Variants in PDS5A observed in about 807,000 individuals in gnomAD.
PDS5A encodes PDS5 cohesin associated factor A.
PDS5A carries 42 observed loss-of-function variants against 167.1 expected under a neutral mutation model. That is an observed-to-expected ratio of 0.25 (90% CI 0.20 to 0.33). The LOEUF (loss-of-function observed/expected upper bound fraction) is 0.33, where lower values mean the gene tolerates loss of function less well. PDS5A is among the 10% of genes least tolerant of loss of function. The pLI, the probability that PDS5A is intolerant of heterozygous loss-of-function variation, is 1.00. For missense variants in PDS5A, 1,033 were observed against 1,605.9 expected, an observed-to-expected ratio of 0.64 and a Z score of 6.10; for synonymous variants, 553 against 554.6, an observed-to-expected ratio of 1.00 and a Z score of 0.04.
intron 13 of PDS5A, 33 bp from the exon 14 acceptor site, chr4:39,900,540 C>T (rs375137273): frequency 8.4e-6 from 11 of 1,306,462 alleles, no homozygotes; most frequent in East Asian, 2.5e-5. Context: ...ACACACATTA[C>T]ATAACAATAC....
At position 39,917,034 on chromosome 4, in the gene PDS5A, C is replaced by T. The variant is rs1281826336; in HGVS notation, c.876+14G>A. Reference sequence around the variant, plus strand: ...AAAAATTAAAAAAAAAAAAAGAAAACTGGTCAATCTTACCTTTAGTTTGAA... The same window carrying T: ...AAAAATTAAAAAAAAAAAAAGAAAATTGGTCAATCTTACCTTTAGTTTGAA... On this transcript the variant is annotated intron_variant, in intron 8 of 32. Coordinates refer to ENST00000303538, the MANE Select transcript of PDS5A (RefSeq NM_001100399.2). The T allele has an allele frequency of 7.4e-7, 1 of 1,352,148 alleles. No homozygotes were observed. Among genetic ancestry groups the T allele is most frequent in the Non-Finnish European group, 9.7e-7 (1 of 1,029,330 alleles). The allele number at this position is 1,352,148 out of a possible 1,614,324, so 83.8% of individuals were successfully genotyped here. A position where few individuals can be genotyped will look rare whatever the true frequency, so the allele number is the denominator to read the frequency against.
chr4:39,838,003 A>T lies in PDS5A; in HGVS notation c.3863T>A (p.Leu1288Gln). The T allele has an allele frequency of 6.2e-7, 1 of 1,613,962 alleles. No homozygotes were observed. Among genetic ancestry groups the T allele is most frequent in the Non-Finnish European group, 8.5e-7 (1 of 1,179,890 alleles). Residue 1288 changes from leucine to glutamine, a missense_variant, in exon 32 of 33, where the codon CTA (leucine) becomes CAA (glutamine). Coordinates refer to ENST00000303538, the MANE Select transcript of PDS5A (RefSeq NM_001100399.2). The stretch of plus-strand genomic sequence containing the variant: ...CCTTCCCTTGTTAATAGGTTTATTT[A>T]GATCATCATTTTTGGTAGCATTGCC... ...SQGNATKNDD[L>Q]NKPINKGRKR...
intron 2 of PDS5A, among the ~76,000 whole-genome samples, chr4:39,934,780 AT>A (rs1363691971): frequency 4.0e-5 from 6 of 151,702 alleles, no homozygotes; most frequent in African/African-American, 9.7e-5. Context: ...CTCTATAAAT[AT>A]TTTTTTGAGA....
At chr4:39,953,212 A>T (rs1277934230) in intron 2 of PDS5A, among the ~76,000 whole-genome samples, 1 of 152,184 alleles carries the variant, frequency 6.6e-6, no homozygotes, top group Non-Finnish European at 1.5e-5. Flanking sequence ...GCTCCACTAC[A>T]GTGAAGCTGA....
In PDS5A at chr4:39,858,632, C is replaced by CT. The variant is rs1052673321; in HGVS notation, c.3086+3586dup. On this transcript the variant is annotated intron_variant, in intron 26 of 32. Coordinates refer to ENST00000303538, the MANE Select transcript of PDS5A (RefSeq NM_001100399.2). Reference sequence around the variant, plus strand: ...ATGGAAGAAAATGCAGTAAAATTTTCTTTTTTTTAAGATGCAGTTTCACTC... The same window carrying CT: ...ATGGAAGAAAATGCAGTAAAATTTTCTTTTTTTTTAAGATGCAGTTTCACTC... Among the ~76,000 whole-genome samples the CT allele has an allele frequency of 2.6e-5, 4 of 152,104 alleles. No homozygotes were observed. The East Asian group carries it at 7.7e-4, about 29-fold the overall frequency.
intron 2 of PDS5A, among the ~76,000 whole-genome samples, chr4:39,975,710 CA>C (rs1462103927): frequency 1.3e-5 from 2 of 152,152 alleles, no homozygotes; most frequent in Non-Finnish European, 2.9e-5. Context: ...TCCTGGAGGT[CA>C]AAGTTGCCCT....
At chr4:39,836,615 A>ATTTTTTTTTTTTT (rs71645192) in intron 32 of PDS5A, among the ~76,000 whole-genome samples, 22 of 106,116 alleles carry the variant, frequency 2.1e-4, no homozygotes, top group Non-Finnish European at 3.4e-4. Context: ...ATTTTTTTCT[A>ATTTTTTTTTTTTT]TTTTTTTTTT....
chr4:39,900,331 C>A, intron 14 of PDS5A, 95 bp downstream of exon 14: 1 of 716,410 alleles, frequency 1.4e-6, no homozygotes. Context: ...AATAAAACAA[C>A]TGAGATACTT....
At chr4:39,961,337 C>T (rs1053440867) in intron 2 of PDS5A, among the ~76,000 whole-genome samples, 4 of 151,882 alleles carry the variant, frequency 2.6e-5, no homozygotes, top group African/African-American at 7.3e-5. Flanking sequence ...CTTGCTATGT[C>T]GCCCAGGCTG....
intron 2 of PDS5A, among the ~76,000 whole-genome samples, chr4:39,947,105 TG>T (rs1377161163): frequency 2.6e-5 from 4 of 152,212 alleles, no homozygotes; most frequent in South Asian, 2.1e-4. Flanking sequence ...AATTAAAATA[TG>T]TTTTTTAAAA....
At chr4:39,851,120 C>T (rs1718085542) in intron 26 of PDS5A, among the ~76,000 whole-genome samples, 1 of 152,048 alleles carries the variant, frequency 6.6e-6, no homozygotes, top group Non-Finnish European at 1.5e-5. Flanking sequence ...CTGCTAGAAT[C>T]CTGATCAAAG....
rs1168823220 is a variant in PDS5A at position 39,845,900 on chromosome 4, AAAAG to A, written c.3340-24_3340-21del. On this transcript the variant is annotated intron_variant, in intron 28 of 32. Coordinates refer to ENST00000303538, the MANE Select transcript of PDS5A (RefSeq NM_001100399.2). ...GAAGTCCTATTAAAAAAAAAAAAGA[AAAAG>A]AAAAAAGAAACACCAATCAAAGGAA... The A allele has an allele frequency of 6.8e-6, 9 of 1,328,110 alleles. No individual in the cohort carries two copies. The highest frequency in any genetic ancestry group is 1.8e-5 in the South Asian group (1 of 54,764). 82.3% of individuals were successfully genotyped at this position (1,328,110 alleles called of 1,614,324 possible). A position where few individuals can be genotyped will look rare whatever the true frequency, so the allele number is the denominator to read the frequency against.
chr4:39,971,068 C>G (rs895881934), intron 2 of PDS5A, among the ~76,000 whole-genome samples: 11 of 151,902 alleles, frequency 7.2e-5, no homozygotes, highest in African/African-American at 2.7e-4. Flanking sequence ...GCCACCACAC[C>G]CAGCCTTGTT....
At chr4:39,914,304 G>C (rs56131685) in intron 8 of PDS5A, among the ~76,000 whole-genome samples, 1 of 151,410 alleles carries the variant, frequency 6.6e-6, no homozygotes, top group Non-Finnish European at 1.5e-5. Flanking sequence ...TGGGATTACA[G>C]GCGCCCACCA....
intron 14 of PDS5A, among the ~76,000 whole-genome samples, chr4:39,899,448 CATTT>C (rs767731742): frequency 2.0e-5 from 3 of 152,164 alleles, no homozygotes; most frequent in Non-Finnish European, 4.4e-5. Context: ...CATGTCCATT[CATTT>C]ATTTATCGTG....
chr4:39,898,643 G>A (rs2109644657), intron 15 of PDS5A, 115 bp from the exon 16 acceptor site: 1 of 936,956 alleles, frequency 1.1e-6, no homozygotes, highest in Non-Finnish European at 1.6e-6. Context: ...AATCAGCCTA[G>A]CTGGTTCTTA....
intron 16 of PDS5A, among the ~76,000 whole-genome samples, chr4:39,892,086 T>G (rs1320021904): frequency 6.6e-6 from 1 of 151,872 alleles, no homozygotes; most frequent in Non-Finnish European, 1.5e-5. Flanking sequence ...CTGCACAGAC[T>G]CTGTCTCAAA....
intron 2 of PDS5A, among the ~76,000 whole-genome samples, chr4:39,956,093 A>G (rs369267656): frequency 2.0e-5 from 3 of 150,466 alleles, no homozygotes; most frequent in Non-Finnish European, 4.4e-5. Context: ...ACTCCAGCTT[A>G]AGAAACAGAC....
At chr4:39,830,273 A>G (rs1250437084) in intron 32 of PDS5A, among the ~76,000 whole-genome samples, 1 of 152,138 alleles carries the variant, frequency 6.6e-6, no homozygotes, top group Non-Finnish European at 1.5e-5. Context: ...CACTGGAGCT[A>G]TGAACACTGA....
Sources: allele counts gnomAD v4.1 joint callset (sites outside exome capture counted in the v4.1 genomes callset), GRCh38; gene constraint gnomAD v4.1.1; transcripts MANE v1.5; gene names NCBI Gene and HGNC (gene_info 2026-07-23, HGNC 2026-07-21).